PGC: variants seen among roughly 807,000 people sequenced by gnomAD.
PGC encodes gastricsin.
Under a neutral mutation model 45.9 loss-of-function variants are expected in PGC, and 31 were observed. That is an observed-to-expected ratio of 0.67 (90% CI 0.51 to 0.91). The LOEUF (loss-of-function observed/expected upper bound fraction) is 0.91, where lower values mean the gene tolerates loss of function less well. Among genes scored for constraint, PGC ranks in the 40% least tolerant of loss-of-function variants. The pLI is 0.00. For missense variants in PGC, 477 were observed against 493.2 expected (o/e 0.97, Z 0.31); for synonymous variants, 192 against 201.8 (o/e 0.95, Z 0.41).
At chr6:41,742,657 G>A (rs149996248) in intron 4 of PGC, among the ~76,000 whole-genome samples, 168 bp from the exon 5 acceptor site, 182 of 152,152 alleles carry the variant, frequency 1.2e-3, no homozygotes, top group African/African-American at 4.0e-3. Flanking sequence ...ACAGAGTCTC[G>A]CCCTGTCACC....
At chr6:41,746,381 C>A (rs115581115) in intron 1 of PGC, among the ~76,000 whole-genome samples, 2,662 of 152,322 alleles carry the variant, frequency 0.017, 78 homozygotes, top group African/African-American at 0.059. Context: ...ACCAGGACCA[C>A]GGGAAGTTGG....
rs376048301 is a variant in PGC at position 41,744,045 on chromosome 6, A to AATGGAGTGGG, written c.328+342_328+351dup. Among the ~76,000 whole-genome samples, 1,130 of 152,158 alleles carry AATGGAGTGGG rather than the reference A, an allele frequency of 7.4e-3. 18 individuals are homozygous for AATGGAGTGGG. Among genetic ancestry groups the AATGGAGTGGG allele is most frequent in the African/African-American group, 0.025 (1,048 of 41,480 alleles). On this transcript the variant is annotated intron_variant, in intron 3 of 8. Coordinates refer to ENST00000373025, the MANE Select transcript of PGC (RefSeq NM_002630.4). This position sits in a 1 kb window ranked among gnomAD's most constrained non-coding sequence, Gnocchi z 4.4. Reference sequence around the variant, plus strand: ...GGTGGAGCAGAATAGAATGGAGTAGAATGGAGTGGGATGGAGTGGGATGGA... The same window carrying AATGGAGTGGG: ...GGTGGAGCAGAATAGAATGGAGTAGAATGGAGTGGGATGGAGTGGGATGGAGTGGGATGGA...
rs369120707 is a variant in PGC at position 41,737,775 on chromosome 6, G to T, written c.969C>A (p.Ile323=). Residue 323 remains isoleucine, a synonymous_variant, in exon 8 of 9, where the codon ATC becomes ATA. Transcript: ENST00000373025. ...GTGGCAGAGGGAACTCCACACCATT[G>T]ATGATGAAGGTCAAGCTGGGCAGAT... ...IQNLPSLTFI[I]NGVEFPLPPS... 1.9e-6 allele frequency: 3 copies of T among 1,612,590 alleles called. No individual in the cohort carries two copies. The highest frequency in any genetic ancestry group is 2.5e-6 in the Non-Finnish European group (3 of 1,178,684).
At chr6:41,742,711 G>C (rs1561881828) in intron 4 of PGC, among the ~76,000 whole-genome samples, 1 of 152,220 alleles carries the variant, frequency 6.6e-6, no homozygotes, top group Non-Finnish European at 1.5e-5. Context: ...AGCAACCTCT[G>C]CTCCCCTGGT....
Position 41,744,317 on chromosome 6 carries a change from C to T in PGC, c.328+80G>A, listed in dbSNP as rs1771885871. ...TGAGCTCCCCTCAGTCCTGAGCTCC[C>T]TCTGGAAGTTTGGCCCTCCCCAGAG... is the stretch of plus-strand genomic sequence containing the variant. On this transcript the variant is annotated intron_variant, in intron 3 of 8. Coordinates refer to ENST00000373025, the MANE Select transcript of PGC (RefSeq NM_002630.4). This position sits in a 1 kb window ranked among gnomAD's most constrained non-coding sequence, Gnocchi z 4.4. The T allele has an allele frequency of 7.3e-6, 7 of 965,200 alleles. No individual in the cohort carries two copies. The highest frequency in any genetic ancestry group is 6.2e-5 in the Admixed American group (3 of 48,078). The allele number at this position is 965,200 out of a possible 1,614,324, so 59.8% of individuals were successfully genotyped here.
rs1030015980 is a variant in PGC, at chr6:41,744,075, A to T, written c.328+322T>A. ...AGTGGGATGGAGTGGGATGGAATGG[A>T]CTGGAAATTAGTCACATGGAATGGA... On this transcript the variant is annotated intron_variant, in intron 3 of 8. Transcript: ENST00000373025. This position sits in a 1 kb window ranked among gnomAD's most constrained non-coding sequence, Gnocchi z 4.4. Among the ~76,000 whole-genome samples, 1 of 151,436 alleles carries T rather than the reference A, an allele frequency of 6.6e-6. No individual in the cohort carries two copies. The highest frequency in any genetic ancestry group is 1.5e-5 in the Non-Finnish European group (1 of 68,014).
chr6:41,739,607 CAG>C (rs1771785034), intron 7 of PGC, among the ~76,000 whole-genome samples, 190 bp downstream of exon 7: 1 of 152,160 alleles, frequency 6.6e-6, no homozygotes, highest in Non-Finnish European at 1.5e-5. Flanking sequence ...CTTGTAGAGA[CAG>C]AGTCTCGCCA....
intron 4 of PGC, 62 bp from the exon 5 acceptor site, chr6:41,742,551 C>G: frequency 8.2e-7 from 1 of 1,226,122 alleles, no homozygotes; most frequent in Admixed American, 1.7e-5. Flanking sequence ...CTCCAGGTTC[C>G]CCTAGAGACT....
intron 7 of PGC, among the ~76,000 whole-genome samples, chr6:41,738,404 G>A (rs980489141): frequency 2.0e-5 from 3 of 151,492 alleles, no homozygotes; most frequent in Non-Finnish European, 2.9e-5. Flanking sequence ...GAGGTAGGCA[G>A]ATTGCTTGAG....
At position 41,743,272 on chromosome 6, in the gene PGC, G is replaced by A. The variant is rs1167569213; in HGVS notation, c.446C>T (p.Thr149Ile). The A allele has an allele frequency of 6.3e-7, 1 of 1,590,192 alleles. No individual in the cohort carries two copies. Among genetic ancestry groups the A allele is most frequent in the Admixed American group, 1.7e-5 (1 of 59,988 alleles). ...LTGFFGYDTL[T>I]VQSIQVPNQE... ...CCTCCACTCCCCATGCCCACTCACA[G>A]TCAGGGTGTCATAGCCAAAGAAGCC... Residue 149 changes from threonine (T) to isoleucine (I), a missense_variant and splice_region_variant, in exon 4 of 9, where the codon ACT (threonine) becomes ATT (isoleucine). Coordinates refer to ENST00000373025, the MANE Select transcript of PGC (RefSeq NM_002630.4).
chr6:41,745,024 CGT>C (rs1429188250), intron 1 of PGC, among the ~76,000 whole-genome samples: 59 of 148,966 alleles, frequency 4.0e-4, no homozygotes, highest in South Asian at 6.5e-4. Context: ...TGCGCGCGCG[CGT>C]GTTTCTTCCT....
Position 41,742,320 on chromosome 6 carries a change from G to C in PGC, c.617C>G (p.Thr206Ser). ...MQGMVQEGALTSPVFSVYLSN... is the reference protein window; with the variant it reads ...MQGMVQEGALSSPVFSVYLSN... ...GAGGTAGACGCTGAAGACGGGGCTG[G>C]TGAGGGCGCCCTCCTGCACCATGCC... The change falls in exon 5 of 9, where the codon ACC (threonine) becomes AGC (serine). Residue 206 changes from threonine to serine, a missense_variant. Physicochemically the swap from Thr to Ser is moderately conservative, Grantham distance 58 (BLOSUM62 1). Transcript: ENST00000373025. The C allele has an allele frequency of 6.2e-7, 1 of 1,614,068 alleles. No homozygotes were observed. The highest frequency in any genetic ancestry group is 8.5e-7 in the Non-Finnish European group (1 of 1,180,004).
rs1156430386 is a variant in PGC, at chr6:41,747,192, G to A, written c.59+84C>T. On this transcript the variant is annotated intron_variant, in intron 1 of 8. Coordinates refer to ENST00000373025, the MANE Select transcript of PGC (RefSeq NM_002630.4). The stretch of plus-strand genomic sequence containing the variant: ...GAAGTCCCAGAGTAGAGACAGGCAG[G>A]GTGTCCCCTGGCCCAGTTGCCCTTT... 2.8e-5 allele frequency: 32 copies of A among 1,124,732 alleles called. No individual in the cohort carries two copies. In the South Asian group the frequency reaches 3.7e-4, roughly 13 times the overall value. 69.7% of individuals were successfully genotyped at this position (1,124,732 alleles called of 1,614,324 possible). A position where few individuals can be genotyped will look rare whatever the true frequency, so the allele number is the denominator to read the frequency against.
chr6:41,742,603 C>G, intron 4 of PGC, 114 bp from the exon 5 acceptor site: 1 of 761,796 alleles, frequency 1.3e-6, no homozygotes, highest in East Asian at 2.6e-5. Flanking sequence ...CTGCCCCCTT[C>G]TTTTTTGTTT....
intron 1 of PGC, 67 bp downstream of exon 1, chr6:41,747,209 T>C (rs1037350115): frequency 9.5e-6 from 13 of 1,361,412 alleles, no homozygotes; most frequent in Middle Eastern, 3.6e-4. Flanking sequence ...CCTGGCCCAG[T>C]TGCCCTTTGC....
rs1045941389 is a variant in PGC, at chr6:41,741,103, C to T, written c.648-493G>A. ...CATGTCACCGGGATCCCCACCCCGG[C>T]CCAGCTTGTTACTTTTCTGCTGAGA... On this transcript the variant is annotated intron_variant, in intron 5 of 8. Coordinates refer to ENST00000373025, the MANE Select transcript of PGC (RefSeq NM_002630.4). 6 of 1,537,194 alleles carry T rather than the reference C, an allele frequency of 3.9e-6. No individual in the cohort carries two copies. In the South Asian group the frequency reaches 4.8e-5, roughly 12 times the overall value.
intron 7 of PGC, 40 bp from the exon 8 acceptor site, chr6:41,737,868 C>G (rs1345252497): frequency 3.3e-6 from 4 of 1,197,070 alleles, no homozygotes; most frequent in African/African-American, 1.5e-5. Flanking sequence ...CATCCTCCCC[C>G]TGATAGCACC....
chr6:41,741,962 A>G, intron 5 of PGC: 1 of 773,002 alleles, frequency 1.3e-6, no homozygotes, highest in Non-Finnish European at 2.2e-6. Flanking sequence ...CTCCACCAGG[A>G]AGCCTGTCCA....
At position 41,738,184 on chromosome 6, in the gene PGC, A is replaced by ATACATATG. The variant is rs1216223061; in HGVS notation, c.916-357_916-356insCATATGTA. Among the ~76,000 whole-genome samples the ATACATATG allele has an allele frequency of 7.8e-4, 22 of 28,170 alleles. 1 individual carries two copies. Among genetic ancestry groups the ATACATATG allele is most frequent in the African/African-American group, 1.2e-3 (18 of 14,800 alleles). 18.5% of individuals were successfully genotyped at this position (28,170 alleles called of 152,430 possible). On this transcript the variant is annotated intron_variant, in intron 7 of 8. Coordinates refer to ENST00000373025, the MANE Select transcript of PGC (RefSeq NM_002630.4). Reference sequence around the variant, plus strand: ...TATATATGCATATATATATACATATATATATGCATATATATATGCATATAT... The same window carrying ATACATATG: ...TATATATGCATATATATATACATATATACATATGTATATGCATATATATATGCATATAT...
Sources: allele counts gnomAD v4.1 joint callset (sites outside exome capture counted in the v4.1 genomes callset), GRCh38; gene constraint gnomAD v4.1.1; non-coding constraint Gnocchi (gnomAD v3.1); transcripts MANE v1.5; gene names NCBI Gene and HGNC (gene_info 2026-07-23, HGNC 2026-07-21).